SYCP1: variants seen among roughly 807,000 people sequenced by gnomAD.
The protein encoded by SYCP1 is cancer/testis antigen 8.
SYCP1 carries 64 observed loss-of-function variants against 153.1 expected under a neutral mutation model. The observed-to-expected ratio is 0.42, with a 90% CI of 0.34 to 0.51. The LOEUF (loss-of-function observed/expected upper bound fraction) is 0.51, where lower values mean the gene tolerates loss of function less well. Among genes scored for constraint, SYCP1 ranks in the 20% least tolerant of loss-of-function variants. The probability of loss-of-function intolerance (pLI) is 0.06; values close to 1 mark genes in which losing one functional copy is unlikely to be tolerated. For synonymous variants in SYCP1, 384 were observed against 341.8 expected, an observed-to-expected ratio of 1.12 and a Z score of -1.36; for missense variants, 997 against 1,049.0, an observed-to-expected ratio of 0.95 and a Z score of 0.68.
rs147439279 is a variant in SYCP1, at chr1:114,864,575, G to A, written c.598+3766G>A. 1.3e-3 allele frequency among the ~76,000 whole-genome samples: 196 copies of A among 151,932 alleles called. 2 individuals are homozygous for A. The highest frequency in any genetic ancestry group is 4.0e-3 in the African/African-American group (167 of 41,432). Reference sequence around the variant, plus strand: ...TCCATCTTGGCTCACCATAACCCCCGCATCCCAAGCTCAAGCAATCTTCCT... The same window carrying A: ...TCCATCTTGGCTCACCATAACCCCCACATCCCAAGCTCAAGCAATCTTCCT... On this transcript the variant is annotated intron_variant, in intron 8 of 31. Coordinates refer to ENST00000369522, the MANE Select transcript of SYCP1 (RefSeq NM_003176.4).
chr1:114,857,156 A>AAGAG (rs1553183151), intron 3 of SYCP1, 76 bp from the exon 4 acceptor site: 91 of 921,360 alleles, frequency 9.9e-5, no homozygotes, highest in Non-Finnish European at 1.1e-4. Flanking sequence ...AAAAAAAAAA[A>AAGAG]AGAGAAAAAA....
At chr1:114,972,786 G>T (rs2101919280) in intron 27 of SYCP1, among the ~76,000 whole-genome samples, 1 of 152,134 alleles carries the variant, frequency 6.6e-6, no homozygotes, top group South Asian at 2.1e-4. Context: ...TTCCATTTTT[G>T]AATGTTTAAG....
chr1:114,981,571 G>GGC, intron 29 of SYCP1, 59 bp downstream of exon 29: 1 of 1,436,708 alleles, frequency 7.0e-7, no homozygotes, highest in Admixed American at 2.3e-5. Context: ...ATAAAGTTCT[G>GGC]TTATCACCAT....
chr1:114,878,000 G>C (rs1290717946), intron 11 of SYCP1, 94 bp from the exon 12 acceptor site: 5 of 742,048 alleles, frequency 6.7e-6, no homozygotes, highest in Non-Finnish European at 8.5e-6. Flanking sequence ...TGAAAAGCAT[G>C]TAGACAAGTA....
At chr1:114,978,157 T>C (rs1308885538) in intron 28 of SYCP1, among the ~76,000 whole-genome samples, 1 of 151,642 alleles carries the variant, frequency 6.6e-6, no homozygotes, top group Non-Finnish European at 1.5e-5. Flanking sequence ...GAATGCAGTT[T>C]ATATTTGAAG....
intron 12 of SYCP1, among the ~76,000 whole-genome samples, chr1:114,882,962 T>C (rs1032561862): frequency 3.3e-5 from 5 of 152,220 alleles, no homozygotes; most frequent in African/African-American, 4.8e-5. Context: ...CTGTAATCTT[T>C]GGGTTTTCAT....
chr1:114,868,525 C>A (rs1195818806), intron 8 of SYCP1, among the ~76,000 whole-genome samples: 1 of 152,078 alleles, frequency 6.6e-6, no homozygotes, highest in Non-Finnish European at 1.5e-5. Flanking sequence ...AGATATTTGT[C>A]TGTAATTTTC....
At chr1:114,983,202 C>T (rs1476880301) in intron 29 of SYCP1, among the ~76,000 whole-genome samples, 2 of 151,944 alleles carry the variant, frequency 1.3e-5, no homozygotes, top group Non-Finnish European at 2.9e-5. Flanking sequence ...CTTCCTGAGC[C>T]TATAGATAGC....
chr1:114,884,368 T>G (rs944548205), intron 12 of SYCP1, among the ~76,000 whole-genome samples: 3 of 152,212 alleles, frequency 2.0e-5, no homozygotes, highest in Non-Finnish European at 4.4e-5. Flanking sequence ...TCCATTACCT[T>G]TGCTAATTTA....
intron 15 of SYCP1, among the ~76,000 whole-genome samples, chr1:114,892,310 G>A (rs1200634417): frequency 6.6e-6 from 1 of 152,146 alleles, no homozygotes; most frequent in African/African-American, 2.4e-5. Context: ...TGAGCTGGGA[G>A]AGCCTGCCCT....
rs776480330 is a variant in SYCP1 at position 114,914,017 on chromosome 1, A to T, written c.1690A>T (p.Asn564Tyr). 6.3e-7 allele frequency: 1 copy of T among 1,575,132 alleles called. No homozygotes were observed. The highest frequency in any genetic ancestry group is 1.2e-5 in the South Asian group (1 of 81,830). The change falls in exon 20 of 32, where the codon AAT (asparagine) becomes TAT (tyrosine). Residue 564 changes from asparagine to tyrosine, a missense_variant. Transcript: ENST00000369522. ...QEERMLKQIENLQETETQLRN... is the reference protein window; with the variant it reads ...QEERMLKQIEYLQETETQLRN... Reference sequence around the variant, plus strand: ...AGAAAGGATGTTGAAACAAATAGAAAATCTTCAAGAAACAGAAACCCAATT... The same window carrying T: ...AGAAAGGATGTTGAAACAAATAGAATATCTTCAAGAAACAGAAACCCAATT...
intron 8 of SYCP1, among the ~76,000 whole-genome samples, chr1:114,862,673 TA>T (rs1397298610): frequency 6.6e-6 from 1 of 152,188 alleles, no homozygotes; most frequent in Non-Finnish European, 1.5e-5. Context: ...TCAGCTAAGT[TA>T]GAAATCAGAT....
At chr1:114,921,648 C>A (rs1436490255) in intron 20 of SYCP1, among the ~76,000 whole-genome samples, 143 of 135,118 alleles carry the variant, frequency 1.1e-3, no homozygotes, top group South Asian at 1.4e-3. Context: ...GACTCTGTCT[C>A]AAAAAAAAAA....
intron 16 of SYCP1, among the ~76,000 whole-genome samples, chr1:114,905,478 G>T (rs1309394589): frequency 1.3e-5 from 2 of 152,090 alleles, no homozygotes; most frequent in Non-Finnish European, 2.9e-5. Context: ...CAGGATTTAC[G>T]GGAAGTACCT....
In SYCP1 at chr1:114,860,772, A is replaced by G. The variant is rs1050719341; in HGVS notation, c.561A>G (p.Lys187=). The G allele has an allele frequency of 6.3e-7, 1 of 1,596,284 alleles. No homozygotes were observed. The highest frequency in any genetic ancestry group is 8.5e-7 in the Non-Finnish European group (1 of 1,173,868). Residue 187 remains lysine (K), a synonymous_variant, in exon 8 of 32, where the codon AAA becomes AAG. Coordinates refer to ENST00000369522, the MANE Select transcript of SYCP1 (RefSeq NM_003176.4). ...CAAGGCATTTATGTAATCTACTCAA[A>G]GAAACCTGTGCTAGATCTGCAGAAA... ...NATRHLCNLL[K]ETCARSAEKT... is the part of the protein sequence containing the mutation.
In SYCP1 at chr1:114,870,086, T is replaced by A. The variant is rs115530969; in HGVS notation, c.599-4420T>A. Among the ~76,000 whole-genome samples the A allele has an allele frequency of 6.0e-3, 907 of 152,292 alleles. 11 individuals are homozygous for A. Among genetic ancestry groups the A allele is most frequent in the Middle Eastern group, 0.034 (10 of 294 alleles). On this transcript the variant is annotated intron_variant, in intron 8 of 31. Coordinates refer to ENST00000369522, the MANE Select transcript of SYCP1 (RefSeq NM_003176.4). ...TGCAGTGCAATGATGTGATCATAGTTCACTGCAGCCTTGAAATCCTGGGCT... is the reference window on the plus strand; with the variant it reads ...TGCAGTGCAATGATGTGATCATAGTACACTGCAGCCTTGAAATCCTGGGCT...
intron 8 of SYCP1, among the ~76,000 whole-genome samples, chr1:114,872,006 CTTTTTT>C (rs71582510): frequency 7.9e-5 from 10 of 127,184 alleles, no homozygotes; most frequent in Non-Finnish European, 1.5e-4. Flanking sequence ...CTTTCTTTTT[CTTTTTT>C]TTTTTTTTTG....
intron 27 of SYCP1, among the ~76,000 whole-genome samples, chr1:114,952,647 T>C (rs1422132708): frequency 6.6e-6 from 1 of 152,172 alleles, no homozygotes; most frequent in Non-Finnish European, 1.5e-5. Context: ...GAACTCACTG[T>C]CACGAGAACA....
chr1:114,969,983 T>A (rs2101909743), intron 27 of SYCP1, among the ~76,000 whole-genome samples: 1 of 152,280 alleles, frequency 6.6e-6, no homozygotes, highest in South Asian at 2.1e-4. Flanking sequence ...ACCCACTGTC[T>A]AACCAGTCCC....
Sources: allele counts gnomAD v4.1 joint callset (sites outside exome capture counted in the v4.1 genomes callset), GRCh38; gene constraint gnomAD v4.1.1; transcripts MANE v1.5; gene names NCBI Gene and HGNC (gene_info 2026-07-23, HGNC 2026-07-21).